LHFPL3: variants seen among roughly 807,000 people sequenced by gnomAD.
The protein encoded by LHFPL3 is LHFPL tetraspan subfamily member 3 protein.
A neutral mutation model predicts 19.3 loss-of-function variants in LHFPL3; 5 were observed. The observed-to-expected ratio is 0.26, with a 90% CI of 0.14 to 0.54. The LOEUF (loss-of-function observed/expected upper bound fraction) is 0.54. LHFPL3 is among the 20% of genes least tolerant of loss of function. The pLI, the probability that LHFPL3 is intolerant of heterozygous loss-of-function variation, is 0.94. For missense variants in LHFPL3, 249 were observed against 307.4 expected, an observed-to-expected ratio of 0.81 and a Z score of 1.42; for synonymous variants, 133 against 126.2, an observed-to-expected ratio of 1.05 and a Z score of -0.36.
chr7:104,633,761 T>C (rs1014195502), intron 1 of LHFPL3, among the ~76,000 whole-genome samples: 1 of 152,226 alleles, frequency 6.6e-6, no homozygotes, highest in African/African-American at 2.4e-5. Flanking sequence ...ATGTAAAAGT[T>C]CTCACTTTGG....
intron 1 of LHFPL3, among the ~76,000 whole-genome samples, chr7:104,549,084 A>G (rs948812346): frequency 1.3e-5 from 2 of 152,136 alleles, no homozygotes; most frequent in Admixed American, 6.6e-5. Flanking sequence ...GAATTTATAA[A>G]ACTTGAACAG....
rs189055973 is a variant in LHFPL3 at position 104,861,316 on chromosome 7, T to C, written c.683-44871T>C. Reference sequence around the variant, plus strand: ...TCTTTGGCTTACAGTGTATATGACCTTGGGAAGTACATTTAACTATTTTTT... The same window carrying C: ...TCTTTGGCTTACAGTGTATATGACCCTGGGAAGTACATTTAACTATTTTTT... On this transcript the variant is annotated intron_variant, in intron 2 of 2. Transcript: ENST00000424859. Among the ~76,000 whole-genome samples the C allele has an allele frequency of 1.6e-3, 247 of 152,312 alleles. 2 individuals are homozygous for C. The highest frequency in any genetic ancestry group is 3.7e-3 in the Admixed American group (57 of 15,294).
chr7:104,879,855 C>G (rs1358754104), intron 2 of LHFPL3, among the ~76,000 whole-genome samples: 3 of 152,166 alleles, frequency 2.0e-5, no homozygotes, highest in Non-Finnish European at 4.4e-5. Flanking sequence ...GAAGAAGATG[C>G]CATGTAGCAC....
At chr7:104,511,950 T>TC (rs1793823129) in intron 1 of LHFPL3, among the ~76,000 whole-genome samples, 1 of 146,308 alleles carries the variant, frequency 6.8e-6, no homozygotes, top group African/African-American at 2.5e-5. Flanking sequence ...TTTTCTTTTT[T>TC]TTTTTTTTTT....
At chr7:104,562,222 G>A (rs1373870062) in intron 1 of LHFPL3, among the ~76,000 whole-genome samples, 3 of 151,728 alleles carry the variant, frequency 2.0e-5, no homozygotes, top group South Asian at 2.1e-4. Flanking sequence ...GAATCTGAAC[G>A]TTGGCCTGCC....
chr7:104,504,770 C>G (rs1210288543), intron 1 of LHFPL3, among the ~76,000 whole-genome samples: 2 of 152,104 alleles, frequency 1.3e-5, no homozygotes, highest in Non-Finnish European at 2.9e-5. Context: ...CCATTAAAAC[C>G]AGAATTCAAG....
chr7:104,614,417 A>T (rs994374268), intron 1 of LHFPL3, among the ~76,000 whole-genome samples: 1 of 152,116 alleles, frequency 6.6e-6, no homozygotes. Flanking sequence ...TAATGTGTCT[A>T]TTTTGTTTAC....
At chr7:104,791,846 TA>T in intron 2 of LHFPL3, among the ~76,000 whole-genome samples, 1 of 152,146 alleles carries the variant, frequency 6.6e-6, no homozygotes, top group South Asian at 2.1e-4. Flanking sequence ...CCTGTCAAAC[TA>T]GGACAACTGC....
intron 1 of LHFPL3, among the ~76,000 whole-genome samples, chr7:104,434,825 A>G (rs1355588378): frequency 6.6e-6 from 1 of 152,214 alleles, no homozygotes; most frequent in East Asian, 1.9e-4. Flanking sequence ...ATCACATTTC[A>G]ATTGCTGATC....
chr7:104,812,204 T>A (rs967752701), intron 2 of LHFPL3, among the ~76,000 whole-genome samples: 3 of 152,162 alleles, frequency 2.0e-5, no homozygotes, highest in African/African-American at 4.8e-5. Flanking sequence ...GAACTTCAAT[T>A]CAGTAATTTG....
intron 1 of LHFPL3, among the ~76,000 whole-genome samples, chr7:104,625,990 CAGGCCCTAA>C (rs1196586596): frequency 6.6e-6 from 1 of 152,212 alleles, no homozygotes; most frequent in Non-Finnish European, 1.5e-5. Flanking sequence ...ATTTGCCTGA[CAGGCCCTAA>C]TAAGTTCCAC....
At chr7:104,569,149 G>C (rs928007860) in intron 1 of LHFPL3, among the ~76,000 whole-genome samples, 1 of 152,106 alleles carries the variant, frequency 6.6e-6, no homozygotes, top group Admixed American at 6.6e-5. Flanking sequence ...ACAGAGAATT[G>C]GAAAGTGAAA....
chr7:104,405,662 A>G (rs1256330901), intron 1 of LHFPL3, among the ~76,000 whole-genome samples: 1 of 152,226 alleles, frequency 6.6e-6, no homozygotes, highest in African/African-American at 2.4e-5. Flanking sequence ...ACTGTTTAAA[A>G]TCAAAGTCTA....
At chr7:104,658,856 C>G (rs919855090) in intron 1 of LHFPL3, among the ~76,000 whole-genome samples, 10 of 152,090 alleles carry the variant, frequency 6.6e-5, no homozygotes, top group Non-Finnish European at 4.4e-5. Flanking sequence ...TGTGGGTATC[C>G]CAGGAATCTG....
In LHFPL3 at chr7:104,613,723, A is replaced by G. The variant is rs1584439309; in HGVS notation, c.446-122952A>G. Among the ~76,000 whole-genome samples the G allele has an allele frequency of 2.0e-5, 3 of 152,142 alleles. No individual in the cohort carries two copies. In the East Asian group the frequency reaches 5.8e-4, roughly 29 times the overall value. ...ACCTGCCCTTCCATGGCCCTGCTCA[A>G]ACTAGATTAAGGTGGTCAAAGAAAA... is the stretch of plus-strand genomic sequence containing the variant. On this transcript the variant is annotated intron_variant, in intron 1 of 2. Transcript: ENST00000424859.
At chr7:104,870,748 A>G (rs1562820927) in intron 2 of LHFPL3, among the ~76,000 whole-genome samples, 1 of 152,180 alleles carries the variant, frequency 6.6e-6, no homozygotes, top group Non-Finnish European at 1.5e-5. Context: ...GTGTGGCATC[A>G]GGGAGGTCAC....
chr7:104,865,744 G>A (rs891908186), intron 2 of LHFPL3, among the ~76,000 whole-genome samples: 32 of 152,154 alleles, frequency 2.1e-4, no homozygotes, highest in African/African-American at 4.8e-4. Flanking sequence ...GATACTCCTC[G>A]AGAAGAGCAA....
chr7:104,737,000 C>A (rs1206196890), intron 2 of LHFPL3, 89 bp downstream of exon 2: 6 of 1,036,020 alleles, frequency 5.8e-6, no homozygotes, highest in Non-Finnish European at 8.6e-6. Flanking sequence ...ACTAGTGCTT[C>A]CCCTGAGGTT....
chr7:104,458,991 A>G (rs1019338616), intron 1 of LHFPL3, among the ~76,000 whole-genome samples: 1 of 152,226 alleles, frequency 6.6e-6, no homozygotes, highest in African/African-American at 2.4e-5. Context: ...AGCTTTCAGC[A>G]GCAGCCTCCT....
Sources: allele counts gnomAD v4.1 joint callset (sites outside exome capture counted in the v4.1 genomes callset), GRCh38; gene constraint gnomAD v4.1.1; transcripts MANE v1.5; gene names NCBI Gene and HGNC (gene_info 2026-07-23, HGNC 2026-07-21).